GULP1: variants seen among roughly 807,000 people sequenced by gnomAD.
GULP1 encodes PTB domain-containing engulfment adapter protein 1.
Under a neutral mutation model 40.9 loss-of-function variants are expected in GULP1, and 19 were observed. That is an observed-to-expected ratio of 0.46 (90% CI 0.32 to 0.68). The LOEUF is 0.68. GULP1 is among the 30% of genes least tolerant of loss of function. The pLI is 0.03. For missense variants in GULP1, 312 were observed against 362.2 expected, an observed-to-expected ratio of 0.86 and a Z score of 1.12; for synonymous variants, 119 against 117.6, an observed-to-expected ratio of 1.01 and a Z score of -0.08.
chr2:188,513,884 G>GA (rs200697978), intron 4 of GULP1, among the ~76,000 whole-genome samples: 1,827 of 151,972 alleles, frequency 0.012, 15 homozygotes, highest in East Asian at 0.022. Flanking sequence ...AGGTTGATGA[G>GA]AAAAAAAATA....
intron 1 of GULP1, among the ~76,000 whole-genome samples, chr2:188,336,864 A>C (rs952342957): frequency 1.3e-5 from 2 of 152,174 alleles, no homozygotes; most frequent in Non-Finnish European, 2.9e-5. Flanking sequence ...TAGATCATGG[A>C]CTTATAGTCA....
chr2:188,446,558 T>A (rs2058400778), intron 2 of GULP1, among the ~76,000 whole-genome samples: 1 of 152,220 alleles, frequency 6.6e-6, no homozygotes, highest in African/African-American at 2.4e-5. Flanking sequence ...GGTTTTTGTA[T>A]TTGGATTCTG....
chr2:188,510,661 ATATAT>A (rs1350644601), intron 4 of GULP1, among the ~76,000 whole-genome samples: 3 of 152,226 alleles, frequency 2.0e-5, no homozygotes, highest in Non-Finnish European at 4.4e-5. Context: ...TCACAAAGAG[ATATAT>A]TATATGTGTA....
chr2:188,459,647 T>G (rs2152955848), intron 2 of GULP1, among the ~76,000 whole-genome samples: 1 of 152,288 alleles, frequency 6.6e-6, no homozygotes, highest in East Asian at 1.9e-4. Context: ...CTTTTCAACT[T>G]AATGAGATAC....
At chr2:188,372,480 T>C (rs2047726024) in intron 1 of GULP1, among the ~76,000 whole-genome samples, 1 of 152,086 alleles carries the variant, frequency 6.6e-6, no homozygotes, top group Non-Finnish European at 1.5e-5. Flanking sequence ...ATTTTGCCTT[T>C]TCAGCATGTC....
At chr2:188,557,347 C>T (rs1401870760) in intron 7 of GULP1, among the ~76,000 whole-genome samples, 3 of 152,206 alleles carry the variant, frequency 2.0e-5, no homozygotes, top group Non-Finnish European at 2.9e-5. Flanking sequence ...TTCCAACATA[C>T]AATGGGAGTA....
chr2:188,468,439 G>T (rs532853218), intron 2 of GULP1, among the ~76,000 whole-genome samples: 1 of 152,074 alleles, frequency 6.6e-6, no homozygotes, highest in Non-Finnish European at 1.5e-5. Context: ...AATCAATAAA[G>T]TGTATATGAT....
At chr2:188,588,734 G>A (rs1702914983) in intron 11 of GULP1, 1 of 152,060 alleles carries the variant, frequency 6.6e-6, no homozygotes, top group South Asian at 2.1e-4. Flanking sequence ...GTAAGGAGAA[G>A]GAGGTATTTT....
At chr2:188,302,931 A>G (rs963330345) in intron 1 of GULP1, among the ~76,000 whole-genome samples, 4 of 152,092 alleles carry the variant, frequency 2.6e-5, no homozygotes, top group Admixed American at 6.5e-5. Flanking sequence ...ACAAATTCCT[A>G]CTTTTTCTTG....
At chr2:188,434,111 T>C (rs1018313709) in intron 2 of GULP1, among the ~76,000 whole-genome samples, 1 of 151,992 alleles carries the variant, frequency 6.6e-6, no homozygotes, top group African/African-American at 2.4e-5. Flanking sequence ...TAATATTTCC[T>C]TAGTGTCGCA....
chr2:188,466,808 C>A (rs2060168303), intron 2 of GULP1, among the ~76,000 whole-genome samples: 1 of 152,038 alleles, frequency 6.6e-6, no homozygotes, highest in South Asian at 2.1e-4. Context: ...TGGTAGGTAT[C>A]TCAGAACTAA....
At chr2:188,352,486 A>C (rs932763608) in intron 1 of GULP1, among the ~76,000 whole-genome samples, 1 of 151,928 alleles carries the variant, frequency 6.6e-6, no homozygotes, top group Non-Finnish European at 1.5e-5. Context: ...CAGGTTGTTG[A>C]CTGTAGATCT....
chr2:188,589,882 T>C (rs1194111621), intron 11 of GULP1: 3 of 441,804 alleles, frequency 6.8e-6, no homozygotes, highest in East Asian at 7.1e-5. Flanking sequence ...TAATTAGTTA[T>C]GTTTAGAGAG....
chr2:188,382,465 T>C (rs1317169388), intron 1 of GULP1, among the ~76,000 whole-genome samples: 3 of 152,190 alleles, frequency 2.0e-5, no homozygotes, highest in Non-Finnish European at 4.4e-5. Context: ...TTTTCATCCC[T>C]GCTAATATTT....
intron 2 of GULP1, among the ~76,000 whole-genome samples, chr2:188,460,689 A>G (rs1305301336): frequency 6.6e-6 from 1 of 152,160 alleles, no homozygotes; most frequent in Non-Finnish European, 1.5e-5. Context: ...AGTACTGTGT[A>G]GAATAACAGT....
At chr2:188,394,024 A>G (rs2050881489) in intron 2 of GULP1, among the ~76,000 whole-genome samples, 1 of 152,096 alleles carries the variant, frequency 6.6e-6, no homozygotes, top group Admixed American at 6.6e-5. Context: ...TTTGCAATAA[A>G]TCTCCCAGGA....
chr2:188,411,805 G>A (rs1394266522), intron 2 of GULP1, among the ~76,000 whole-genome samples: 1 of 152,144 alleles, frequency 6.6e-6, no homozygotes, highest in Non-Finnish European at 1.5e-5. Flanking sequence ...TGCACAACAA[G>A]GTGCACTGCT....
At chr2:188,559,299 T>G (rs181747312) in intron 7 of GULP1, among the ~76,000 whole-genome samples, 239 of 152,214 alleles carry the variant, frequency 1.6e-3, no homozygotes, top group African/African-American at 5.4e-3. Context: ...TTTCAGAGAG[T>G]GCAAGCCCCA....
intron 1 of GULP1, among the ~76,000 whole-genome samples, chr2:188,352,825 A>G (rs1249936089): frequency 6.6e-6 from 1 of 152,188 alleles, no homozygotes. Flanking sequence ...AAAATTCTAG[A>G]TTCATTATAC....
Sources: allele counts gnomAD v4.1 joint callset (sites outside exome capture counted in the v4.1 genomes callset), GRCh38; gene constraint gnomAD v4.1.1; transcripts MANE v1.5; gene names NCBI Gene and HGNC (gene_info 2026-07-23, HGNC 2026-07-21).